The following PRAMEF20 variants were observed in gnomAD, a reference collection of about 807,000 sequenced individuals.
PRAMEF20 encodes PRAME family member 20/21.
A neutral mutation model predicts 32.4 loss-of-function variants in PRAMEF20; 27 were observed. The ratio of observed to expected loss-of-function variants is 0.83; its 90% CI spans 0.61 to 1.15. PRAMEF20 has a LOEUF of 1.15. PRAMEF20 is among the 50% of genes most tolerant of loss of function. The pLI is 0.00. For synonymous variants in PRAMEF20, 256 were observed against 235.4 expected, an observed-to-expected ratio of 1.09 and a Z score of -0.80; for missense variants, 604 against 584.5, an observed-to-expected ratio of 1.03 and a Z score of -0.34.
Position 13,420,706 on chromosome 1 carries a change from GA to G in PRAMEF20, c.877del (p.Thr293ProfsTer3). 6.2e-7 allele frequency: 1 copy of G among 1,613,842 alleles called. No homozygotes were observed. Among genetic ancestry groups the G allele is most frequent in the South Asian group, 1.1e-5 (1 of 91,076 alleles). ...TGCTCTCTCTCCCCAGCTGTCTAAA[GA>G]CCTCGTTAAACATCCTCGCAATAAC... is the stretch of plus-strand genomic sequence containing the variant. On this transcript the variant is annotated frameshift_variant, in exon 3 of 3. Coordinates refer to ENST00000602960, the Ensembl canonical transcript of PRAMEF20. LOFTEE classifies it high-confidence loss of function.
exon 2 of PRAMEF20, chr1:13,418,199 G>C: frequency 6.2e-7 from 1 of 1,611,800 alleles, no homozygotes; most frequent in East Asian, 2.2e-5. Flanking sequence ...GCCATGGCCC[G>C]TAGGTGCTTA....
At chr1:13,411,099 C>G in the PRAMEF20 span, among the ~76,000 whole-genome samples, 1 of 152,128 alleles carries the variant, frequency 6.6e-6, no homozygotes, top group Non-Finnish European at 1.5e-5. Flanking sequence ...CTCAAGTGAT[C>G]CACCCACCTT....
chr1:13,417,887 G>A lies in PRAMEF20; in HGVS notation c.288-235G>A, dbSNP rs940722787. On this transcript the variant is annotated intron_variant, in intron 1 of 2. Transcript: ENST00000602960. ...CTCCCGAGTAGCTGGGACTACAGGCGCCCGCCACCACGCCCGGCTAATTTG... is the reference window on the plus strand; with the variant it reads ...CTCCCGAGTAGCTGGGACTACAGGCACCCGCCACCACGCCCGGCTAATTTG... Among the ~76,000 whole-genome samples, 614 of 138,982 alleles carry A rather than the reference G, an allele frequency of 4.4e-3. 10 individuals are homozygous for A. Among genetic ancestry groups the A allele is most frequent in the African/African-American group, 0.015 (594 of 39,444 alleles). The allele number at this position is 138,982 out of a possible 152,430, so 91.2% of individuals were successfully genotyped here. A position where few individuals can be genotyped will look rare whatever the true frequency, so the allele number is the denominator to read the frequency against.
chr1:13,416,197 C>G (rs1641167278), upstream of PRAMEF20, among the ~76,000 whole-genome samples: 4 of 152,334 alleles, frequency 2.6e-5, no homozygotes, highest in South Asian at 8.3e-4. Flanking sequence ...TTTGTGGCCA[C>G]TGAGTACAGA....
chr1:13,416,348 C>T, upstream of PRAMEF20: 1 of 1,612,414 alleles, frequency 6.2e-7, no homozygotes, highest in Non-Finnish European at 8.5e-7. Context: ...TTTGCAGATT[C>T]AGGAAGATGA....
intron 2 of PRAMEF20, among the ~76,000 whole-genome samples, chr1:13,419,250 T>A (rs1383917714): frequency 6.6e-6 from 1 of 152,056 alleles, no homozygotes. Flanking sequence ...GCCTCCTGGG[T>A]TCAAGCAATT....
Position 13,416,916 on chromosome 1 carries a change from A to G in PRAMEF20, c.287+275A>G, listed in dbSNP as rs545642182. Among the ~76,000 whole-genome samples, 848 of 152,324 alleles carry G rather than the reference A, an allele frequency of 5.6e-3. 2 individuals are homozygous for G. Among genetic ancestry groups the G allele is most frequent in the Non-Finnish European group, 8.5e-3 (575 of 68,026 alleles). On this transcript the variant is annotated intron_variant, in intron 1 of 2. Coordinates refer to ENST00000602960, the Ensembl canonical transcript of PRAMEF20. ...GCTGGGCACAGTGGCTCACACCTGTAATCCCAGCATTTTGGGAGGCTGAGG... is the reference window on the plus strand; with the variant it reads ...GCTGGGCACAGTGGCTCACACCTGTGATCCCAGCATTTTGGGAGGCTGAGG...
At chr1:13,419,105 C>G (rs1347605448) in intron 2 of PRAMEF20, among the ~76,000 whole-genome samples, 2 of 152,112 alleles carry the variant, frequency 1.3e-5, no homozygotes, top group Non-Finnish European at 2.9e-5. Flanking sequence ...GTGGGTAACA[C>G]AGCAAAGACT....
rs890195381 is a variant in PRAMEF20, at chr1:13,418,702, T to C, written c.866+2T>C. On this transcript the variant is annotated splice_donor_variant, in intron 2 of 2. Transcript: ENST00000602960. LOFTEE classifies it high-confidence loss of function. ...AGGCCACCTGGACCAGATGCTCAGG[T>C]GAGGAAGGGTAGTGAGCTTTCTCTG... 3 of 1,613,258 alleles carry C rather than the reference T, an allele frequency of 1.9e-6. No homozygotes were observed. The African/African-American group carries it at 4.0e-5, about 22-fold the overall frequency.
At chr1:13,418,659 C>T in exon 2 of PRAMEF20, 1 of 1,613,964 alleles carries the variant, frequency 6.2e-7, no homozygotes, top group Non-Finnish European at 8.5e-7. Context: ...TTTATATGAA[C>T]TCTGTTTCTT....
In PRAMEF20 at chr1:13,417,535, G is replaced by A. The variant is rs1359744620; in HGVS notation, c.288-587G>A. Among the ~76,000 whole-genome samples the A allele has an allele frequency of 2.6e-5, 4 of 151,244 alleles. 1 individual carries two copies. Among genetic ancestry groups the A allele is most frequent in the Non-Finnish European group, 2.9e-5 (2 of 67,840 alleles). On this transcript the variant is annotated intron_variant, in intron 1 of 2. Coordinates refer to ENST00000602960, the Ensembl canonical transcript of PRAMEF20. ...GGAGAATTGCTTGAACCCGGGAGCT[G>A]GAGGTTGCAGTGAGGCGAGATTGCG... is the stretch of plus-strand genomic sequence containing the variant.
chr1:13,411,905 AT>A (rs1246658232), upstream of PRAMEF20, among the ~76,000 whole-genome samples: 3 of 151,884 alleles, frequency 2.0e-5, no homozygotes, highest in Non-Finnish European at 4.4e-5. Flanking sequence ...CCCAGTGGTA[AT>A]TTTTGCCCAC....
Position 13,418,051 on chromosome 1 carries a change from A to G in PRAMEF20, c.288-71A>G, listed in dbSNP as rs940675964. 4.7e-3 allele frequency: 7,543 copies of G among 1,609,112 alleles called. 24 individuals carry two copies. Among genetic ancestry groups the G allele is most frequent in the Non-Finnish European group, 5.6e-3 (6,642 of 1,178,400 alleles). ...GGCCTCCCAAAGTGCTGGGATTACA[A>G]GCGTGAGCCACTGAGCCCAGCCTCA... is the stretch of plus-strand genomic sequence containing the variant. On this transcript the variant is annotated intron_variant, in intron 1 of 2. Coordinates refer to ENST00000602960, the Ensembl canonical transcript of PRAMEF20.
At chr1:13,413,086 AG>A (rs1419389531), upstream of PRAMEF20, among the ~76,000 whole-genome samples, 6 of 152,228 alleles carry the variant, frequency 3.9e-5, no homozygotes, top group Non-Finnish European at 2.9e-5. Flanking sequence ...CCCTCAACAA[AG>A]ATACTTTCAA....
At chr1:13,419,667 G>A (rs1641220960) in intron 2 of PRAMEF20, among the ~76,000 whole-genome samples, 2 of 151,790 alleles carry the variant, frequency 1.3e-5, no homozygotes, top group South Asian at 2.1e-4. Flanking sequence ...CTTGTGATCC[G>A]CCCGCCTCGG....
chr1:13,413,222 A>T (rs1641130894), upstream of PRAMEF20, among the ~76,000 whole-genome samples: 1 of 152,186 alleles, frequency 6.6e-6, no homozygotes, highest in Non-Finnish European at 1.5e-5. Context: ...TGAGTCATGG[A>T]CTTTCACCCT....
chr1:13,419,669 C>A (rs1641221013), intron 2 of PRAMEF20, among the ~76,000 whole-genome samples: 1 of 151,974 alleles, frequency 6.6e-6, no homozygotes, highest in African/African-American at 2.4e-5. Flanking sequence ...TGTGATCCGC[C>A]CGCCTCGGCC....
exon 1 of PRAMEF20, chr1:13,416,569 G>T (rs1484024347): frequency 6.2e-7 from 1 of 1,614,162 alleles, no homozygotes; most frequent in Admixed American, 1.7e-5. Context: ...CTGATGAAAA[G>T]GCCTTGCCCA....
exon 1 of PRAMEF20, chr1:13,416,355 A>C (rs1641169445): frequency 6.2e-7 from 1 of 1,612,612 alleles, no homozygotes; most frequent in East Asian, 2.2e-5. Flanking sequence ...ATTCAGGAAG[A>C]TGAGCATCCG....
Sources: gnomAD v4.1 joint callset for allele counts (sites outside exome capture counted in the v4.1 genomes callset) on GRCh38, gnomAD v4.1.1 for gene constraint, MANE v1.5 for transcripts, NCBI Gene and HGNC (gene_info 2026-07-23, HGNC 2026-07-21) for gene names.